The following CYGB variants were observed in gnomAD, a reference collection of about 807,000 sequenced individuals.
CYGB encodes histoglobin.
Under a neutral mutation model 20.7 loss-of-function variants are expected in CYGB, and 13 were observed. That is an observed-to-expected ratio of 0.63 (90% confidence interval 0.41 to 1.00). The LOEUF (loss-of-function observed/expected upper bound fraction) is 1.00, where lower values mean the gene tolerates loss of function less well. CYGB is among the 50% of genes least tolerant of loss of function. The pLI, the probability that CYGB is intolerant of heterozygous loss-of-function variation, is 0.00. For synonymous variants in CYGB, 93 were observed against 107.4 expected, an observed-to-expected ratio of 0.87 and a Z score of 0.83; for missense variants, 218 against 257.2, an observed-to-expected ratio of 0.85 and a Z score of 1.04.
chr17:76,547,906 A>ACACATTCACACACAC, intron 1 of CYGB, among the ~76,000 whole-genome samples: 1 of 128,082 alleles, frequency 7.8e-6, no homozygotes, highest in East Asian at 2.0e-4. Context: ...GACACACATA[A>ACACATTCACACACAC]CACATTCACA....
In CYGB at chr17:76,531,516, C is replaced by T. The variant is rs773740203; in HGVS notation, c.319G>A (p.Ala107Thr). ...HDPDKVSSVL[A>T]LVGKAHALKH... is the part of the protein sequence containing the mutation. ...AGGGCGTGGGCTTTCCCCACAAGGG[C>T]GAGCACAGAGGACACCTTGTCGGGG... Residue 107 changes from alanine (A) to threonine (T), a missense_variant, in exon 2 of 4, where the codon GCC becomes ACC. Coordinates refer to ENST00000293230, the MANE Select transcript of CYGB (RefSeq NM_134268.5). This position sits in a 1 kb window ranked among gnomAD's most constrained non-coding sequence, Gnocchi z 7.4. The T allele has an allele frequency of 2.9e-5, 47 of 1,613,854 alleles. No homozygotes were observed. The highest frequency in any genetic ancestry group is 3.7e-5 in the Non-Finnish European group (44 of 1,179,832).
upstream of CYGB, chr17:76,540,523 TG>T: frequency 6.2e-7 from 1 of 1,612,898 alleles, no homozygotes; most frequent in Non-Finnish European, 8.5e-7. This position sits in a 1 kb window ranked among gnomAD's most constrained non-coding sequence, Gnocchi z 5.0. Context: ...GCGACGTGGA[TG>T]GGGCAGCTAG....
At chr17:76,548,380 G>A (rs1234007188) in intron 1 of CYGB, among the ~76,000 whole-genome samples, 5 of 152,214 alleles carry the variant, frequency 3.3e-5, no homozygotes, top group Admixed American at 6.5e-5. Context: ...GTGTTCATTT[G>A]GTCATTTATT....
At chr17:76,540,638 T>TG (rs1184460974), upstream of CYGB, 2 of 1,492,216 alleles carry the variant, frequency 1.3e-6, no homozygotes, top group Non-Finnish European at 1.9e-6. This position sits in a 1 kb window ranked among gnomAD's most constrained non-coding sequence, Gnocchi z 5.0. Flanking sequence ...TGTGCATGCC[T>TG]GGGGGTGCAC....
At chr17:76,548,956 T>G (rs1215176558) in intron 1 of CYGB, among the ~76,000 whole-genome samples, 5 of 152,110 alleles carry the variant, frequency 3.3e-5, no homozygotes, top group Non-Finnish European at 7.4e-5. Context: ...ACAGTGGCTT[T>G]GCTAAGGTGA....
rs1020225405 is a variant in CYGB, at chr17:76,531,998, C to A, written c.144-307G>T. 1 of 286,134 alleles carries A rather than the reference C, an allele frequency of 3.5e-6. No individual in the cohort carries two copies. The highest frequency in any genetic ancestry group is 2.1e-5 in the African/African-American group (1 of 47,358). The allele number at this position is 286,134 out of a possible 1,614,324, so 17.7% of individuals were successfully genotyped here. A position where few individuals can be genotyped will look rare whatever the true frequency, so the allele number is the denominator to read the frequency against. On this transcript the variant is annotated intron_variant, in intron 1 of 3. Coordinates refer to ENST00000293230, the MANE Select transcript of CYGB (RefSeq NM_134268.5). The surrounding 1 kb of genome is among the most constrained non-coding windows in gnomAD (Gnocchi z 7.4). ...AACTCTACACCCCCTTCAAGCCCTG[C>A]TCTAGTCATAGCCGAGAGGGTAAGA...
chr17:76,542,707 G>A (rs1212510475), upstream of CYGB: 5 of 929,118 alleles, frequency 5.4e-6, no homozygotes, highest in South Asian at 1.3e-5. Context: ...GGCAAGTCCC[G>A]GCCATGTGGG....
rs886053480 is a variant in CYGB at position 76,544,897 on chromosome 17, C to A, written c.-53+5965G>T. 4.4e-6 allele frequency: 2 copies of A among 456,800 alleles called. No homozygotes were observed. Among genetic ancestry groups the A allele is most frequent in the Non-Finnish European group, 8.8e-6 (2 of 226,976 alleles). 28.3% of individuals were successfully genotyped at this position (456,800 alleles called of 1,614,324 possible). Reference sequence around the variant, plus strand: ...ACTTCCCCAGGGCAGCGCCCCTCCACGCCACTGTTCCGAGAACCTGCGCAG... The same window carrying A: ...ACTTCCCCAGGGCAGCGCCCCTCCAAGCCACTGTTCCGAGAACCTGCGCAG... On this transcript the variant is annotated intron_variant, in intron 1 of 3. Transcript: ENST00000589145.
At chr17:76,540,604 G>A (rs759849474), upstream of CYGB, 11 of 1,607,434 alleles carry the variant, frequency 6.8e-6, no homozygotes, top group Middle Eastern at 1.7e-4. This position sits in a 1 kb window ranked among gnomAD's most constrained non-coding sequence, Gnocchi z 5.0. Context: ...GGGGGAGGGA[G>A]GGTGCTGCCA....
intron 1 of CYGB, among the ~76,000 whole-genome samples, chr17:76,549,493 A>G (rs2075086911): frequency 6.6e-6 from 1 of 152,238 alleles, no homozygotes; most frequent in Non-Finnish European, 1.5e-5. Context: ...AGTACTGTCC[A>G]AGATGTCACC....
chr17:76,540,722 T>C (rs2074982579), upstream of CYGB: 3 of 782,848 alleles, frequency 3.8e-6, no homozygotes, highest in Non-Finnish European at 6.5e-6. This position sits in a 1 kb window ranked among gnomAD's most constrained non-coding sequence, Gnocchi z 5.0. Flanking sequence ...CCTGTCCGCC[T>C]GCTGGGCAGG....
At chr17:76,545,709 T>C (rs1217966264) in intron 1 of CYGB, 4 of 274,334 alleles carry the variant, frequency 1.5e-5, no homozygotes, top group Non-Finnish European at 2.9e-5. Context: ...ATCTGTCTCT[T>C]AGAGTTGTAA....
intron 1 of CYGB, chr17:76,545,143 C>A (rs1210570702): frequency 1.1e-5 from 5 of 456,546 alleles, no homozygotes; most frequent in Admixed American, 9.4e-5. Flanking sequence ...CCAGCCCACG[C>A]TCGCCTCTTA....
chr17:76,534,705 G>T (rs1410042008), intron 1 of CYGB, among the ~76,000 whole-genome samples: 6 of 152,124 alleles, frequency 3.9e-5, no homozygotes, highest in Non-Finnish European at 2.9e-5. Context: ...AGGCAGGCCC[G>T]CTTTGACAGT....
rs1458858676 is a variant in CYGB at position 76,537,613 on chromosome 17, G to T, written c.-71C>A. On this transcript the variant is annotated 5_prime_UTR_variant, in exon 1 of 4. Transcript: ENST00000293230. ...CGGGGCGCGGGGCGCGGGGCGCGGG[G>T]CGCCGGGAGCCGGGGCCGGCTGCGT... The T allele has an allele frequency of 2.0e-6, 2 of 1,013,102 alleles. No homozygotes were observed. Among genetic ancestry groups the T allele is most frequent in the Non-Finnish European group, 2.4e-6 (2 of 849,118 alleles). 62.8% of individuals were successfully genotyped at this position (1,013,102 alleles called of 1,614,324 possible).
At chr17:76,548,048 T>A (rs2075072187) in intron 1 of CYGB, among the ~76,000 whole-genome samples, 1 of 148,718 alleles carries the variant, frequency 6.7e-6, no homozygotes, top group Non-Finnish European at 1.5e-5. Context: ...ATACGAACAT[T>A]CACACACATA....
Position 76,528,697 on chromosome 17 carries a change from C to G in CYGB, c.540-86G>C. The G allele has an allele frequency of 1.7e-6, 2 of 1,191,012 alleles. No individual in the cohort carries two copies. The highest frequency in any genetic ancestry group is 3.2e-5 in the East Asian group (1 of 31,390). 73.8% of individuals were successfully genotyped at this position (1,191,012 alleles called of 1,614,324 possible). A position where few individuals can be genotyped will look rare whatever the true frequency, so the allele number is the denominator to read the frequency against. ...GGAAAGGGGGAGGACCTGGGGCTGG[C>G]GAGGCTCACTTCCTGCCAAGAGATC... On this transcript the variant is annotated intron_variant, in intron 3 of 3. Coordinates refer to ENST00000293230, the MANE Select transcript of CYGB (RefSeq NM_134268.5). The surrounding 1 kb of genome is among the most constrained non-coding windows in gnomAD (Gnocchi z 5.8).
chr17:76,549,472 C>T (rs529988936), intron 1 of CYGB, among the ~76,000 whole-genome samples: 4 of 152,294 alleles, frequency 2.6e-5, no homozygotes, highest in South Asian at 4.1e-4. Flanking sequence ...AGCTGAAGGC[C>T]GACCATAGTA....
intron 1 of CYGB, among the ~76,000 whole-genome samples, chr17:76,534,963 A>C (rs4647879): frequency 6.6e-6 from 1 of 152,124 alleles, no homozygotes; most frequent in Admixed American, 6.5e-5. Context: ...AGGAGCCTCC[A>C]CAGCCAGCCC....
Sources: allele counts gnomAD v4.1 joint callset (sites outside exome capture counted in the v4.1 genomes callset), GRCh38; gene constraint gnomAD v4.1.1; non-coding constraint Gnocchi (gnomAD v3.1); transcripts MANE v1.5; gene names NCBI Gene and HGNC (gene_info 2026-07-23, HGNC 2026-07-21).